PRKCE: variants seen among roughly 807,000 people sequenced by gnomAD.
The protein encoded by PRKCE is protein kinase C epsilon, also known as protein kinase C epsilon type.
A neutral mutation model predicts 85.4 loss-of-function variants in PRKCE; 16 were observed. That is an observed-to-expected ratio of 0.19 (90% CI 0.13 to 0.28). The LOEUF (loss-of-function observed/expected upper bound fraction) is 0.28, where lower values mean the gene tolerates loss of function less well. Among genes scored for constraint, PRKCE ranks in the 10% least tolerant of loss-of-function variants. The probability of loss-of-function intolerance (pLI) is 1.00; values close to 1 mark genes in which losing one functional copy is unlikely to be tolerated. For missense variants in PRKCE, 573 were observed against 975.2 expected, an observed-to-expected ratio of 0.59 and a Z score of 5.49; for synonymous variants, 388 against 371.5, an observed-to-expected ratio of 1.04 and a Z score of -0.51.
At chr2:45,834,926 AT>A (rs1249499986) in intron 1 of PRKCE, among the ~76,000 whole-genome samples, 1 of 152,172 alleles carries the variant, frequency 6.6e-6, no homozygotes, top group East Asian at 1.9e-4. Flanking sequence ...ACACAGACAG[AT>A]TTAAATAATT....
At chr2:45,973,142 G>A (rs920290374) in intron 2 of PRKCE, among the ~76,000 whole-genome samples, 2 of 152,172 alleles carry the variant, frequency 1.3e-5, no homozygotes, top group South Asian at 2.1e-4. Flanking sequence ...CTTTCATAGC[G>A]GAGGGAAATG....
At chr2:45,970,707 A>G (rs1224827418) in intron 2 of PRKCE, among the ~76,000 whole-genome samples, 2 of 152,108 alleles carry the variant, frequency 1.3e-5, no homozygotes. Context: ...ATGTCATATC[A>G]GTGTTAAATT....
chr2:45,660,464 G>A (rs938405770), intron 1 of PRKCE, among the ~76,000 whole-genome samples: 6 of 152,128 alleles, frequency 3.9e-5, no homozygotes, highest in Admixed American at 1.3e-4. Context: ...CATGGTGAGG[G>A]AAGAAGAAAA....
chr2:46,082,253 G>T (rs114782191), intron 10 of PRKCE, among the ~76,000 whole-genome samples: 1 of 152,128 alleles, frequency 6.6e-6, no homozygotes, highest in African/African-American at 2.4e-5. Context: ...GATGATAGTT[G>T]CTTGGGCCAT....
At position 45,907,131 on chromosome 2, in the gene PRKCE, C is replaced by T. The variant is rs1172747387; in HGVS notation, c.412+64068C>T. Among the ~76,000 whole-genome samples, 2 of 151,980 alleles carry T rather than the reference C, an allele frequency of 1.3e-5. No individual in the cohort carries two copies. The highest frequency in any genetic ancestry group is 2.9e-5 in the Non-Finnish European group (2 of 68,000). ...CGCTCCATGTTAAATTTCTGAGGAG[C>T]AAAGGTAAAATGCCAGGATTGCTGA... On this transcript the variant is annotated intron_variant, in intron 2 of 14. Coordinates refer to ENST00000306156, the MANE Select transcript of PRKCE (RefSeq NM_005400.3). The surrounding 1 kb of genome is among the most constrained non-coding windows in gnomAD (Gnocchi z 4.5).
chr2:45,769,982 TCA>T (rs1290133895), intron 1 of PRKCE, among the ~76,000 whole-genome samples: 1 of 152,218 alleles, frequency 6.6e-6, no homozygotes, highest in African/African-American at 2.4e-5. Flanking sequence ...GTACTGTCAC[TCA>T]CAGACACATG....
rs575455769 is a variant in PRKCE, at chr2:45,843,919, A to G, written c.412+856A>G. Among the ~76,000 whole-genome samples, 5 of 152,334 alleles carry G rather than the reference A, an allele frequency of 3.3e-5. No individual in the cohort carries two copies. The East Asian group carries it at 7.7e-4, about 23-fold the overall frequency. ...CCATGTGTAGTTCCTCTTGGCAGTG[A>G]GAAACAAACAGTGTTTGGGGACTGT... On this transcript the variant is annotated intron_variant, in intron 2 of 14. Coordinates refer to ENST00000306156, the MANE Select transcript of PRKCE (RefSeq NM_005400.3).
chr2:46,016,982 C>T (rs1445613969), intron 10 of PRKCE, among the ~76,000 whole-genome samples: 2 of 148,664 alleles, frequency 1.3e-5, no homozygotes, highest in Non-Finnish European at 3.0e-5. Context: ...AATGATGTCT[C>T]TATGAATTCA....
intron 12 of PRKCE, among the ~76,000 whole-genome samples, chr2:46,147,889 T>C (rs1436729032): frequency 6.6e-6 from 1 of 152,218 alleles, no homozygotes; most frequent in Non-Finnish European, 1.5e-5. Context: ...CACAAAATGT[T>C]TTTGAGTCTC....
intron 2 of PRKCE, among the ~76,000 whole-genome samples, chr2:45,864,925 C>A (rs1198065720): frequency 3.3e-5 from 5 of 152,202 alleles, no homozygotes; most frequent in African/African-American, 1.2e-4. Flanking sequence ...GCTTGCTGGG[C>A]TCCACCTTCA....
At chr2:45,787,441 C>G (rs1210585599) in intron 1 of PRKCE, among the ~76,000 whole-genome samples, 1 of 152,162 alleles carries the variant, frequency 6.6e-6, no homozygotes, top group Non-Finnish European at 1.5e-5. Flanking sequence ...CTGGGCAATG[C>G]TGGCCACAGA....
rs769652392 is a variant in PRKCE at position 45,770,088 on chromosome 2, C to G, written c.349-72912C>G. Among the ~76,000 whole-genome samples the G allele has an allele frequency of 1.3e-3, 201 of 152,206 alleles. 2 individuals are homozygous for G. The highest frequency in any genetic ancestry group is 6.2e-4 in the Non-Finnish European group (42 of 68,034). ...GTGAAACGCTCTCCTTCTCTATGCG[C>G]ATGTCTTTTATCCCCTCTCTTGGGT... On this transcript the variant is annotated intron_variant, in intron 1 of 14. Coordinates refer to ENST00000306156, the MANE Select transcript of PRKCE (RefSeq NM_005400.3).
Position 46,114,476 on chromosome 2 carries a change from G to A in PRKCE, c.1592+28114G>A, listed in dbSNP as rs557113195. Among the ~76,000 whole-genome samples the A allele has an allele frequency of 1.4e-3, 174 of 127,066 alleles. 1 individual carries two copies. In the Middle Eastern group the frequency reaches 0.03, roughly 22 times the overall value. The allele number at this position is 127,066 out of a possible 152,430, so 83.4% of individuals were successfully genotyped here. On this transcript the variant is annotated intron_variant, in intron 11 of 14. Transcript: ENST00000306156. ...TCTGTCGCCCAGCCTGGAGTGCAGT[G>A]GCACAATGTCAGCTCACTGCAAGCT...
At chr2:45,764,991 C>T (rs1274338222) in intron 1 of PRKCE, among the ~76,000 whole-genome samples, 2 of 152,122 alleles carry the variant, frequency 1.3e-5, no homozygotes, top group Non-Finnish European at 2.9e-5. Context: ...TGCTGAAGGA[C>T]GTGGACCCCA....
At chr2:46,162,082 A>T (rs752527635) in intron 14 of PRKCE, among the ~76,000 whole-genome samples, 1 of 152,196 alleles carries the variant, frequency 6.6e-6, no homozygotes, top group African/African-American at 2.4e-5. Context: ...TGCCTCAGAC[A>T]GGCAGGGAGC....
rs1170693173 is a variant in PRKCE at position 45,697,882 on chromosome 2, G to A, written c.348+45434G>A. The A allele has an allele frequency of 6.6e-6, 1 of 152,104 alleles. No individual in the cohort carries two copies. Among genetic ancestry groups the A allele is most frequent in the Non-Finnish European group, 1.5e-5 (1 of 67,920 alleles). The allele number at this position is 152,104 out of a possible 1,614,324, so 9.4% of individuals were successfully genotyped here. On this transcript the variant is annotated intron_variant, in intron 1 of 14. Coordinates refer to ENST00000306156, the MANE Select transcript of PRKCE (RefSeq NM_005400.3). This position sits in a 1 kb window ranked among gnomAD's most constrained non-coding sequence, Gnocchi z 4.2. ...TCCCCAGATTCTTTAATTGGATGTA[G>A]TTTTTTTTTACATTGGAAGAAATTG...
intron 12 of PRKCE, among the ~76,000 whole-genome samples, chr2:46,146,580 C>T (rs1252858896): frequency 2.0e-5 from 3 of 152,060 alleles, no homozygotes; most frequent in Admixed American, 6.6e-5. Flanking sequence ...TTTCCTTTGA[C>T]GGAAGGGGTG....
intron 1 of PRKCE, among the ~76,000 whole-genome samples, chr2:45,690,219 ATCT>A (rs1172316805): frequency 6.6e-6 from 1 of 152,236 alleles, no homozygotes; most frequent in Non-Finnish European, 1.5e-5. Context: ...TATTTCATAA[ATCT>A]TCTCTTCAGT....
chr2:45,813,950 ATAAG>A (rs1276093122), intron 1 of PRKCE, among the ~76,000 whole-genome samples: 2 of 152,344 alleles, frequency 1.3e-5, no homozygotes, highest in East Asian at 3.9e-4. Context: ...CAGTAAATTC[ATAAG>A]TGAGTATCAT....
Sources: gnomAD v4.1 joint callset for allele counts (sites outside exome capture counted in the v4.1 genomes callset) on GRCh38, gnomAD v4.1.1 for gene constraint, Gnocchi (gnomAD v3.1) non-coding constraint, MANE v1.5 for transcripts, NCBI Gene and HGNC (gene_info 2026-07-23, HGNC 2026-07-21) for gene names.